Variants in ZSWIM8 observed in about 807,000 individuals in gnomAD.
ZSWIM8 encodes zinc finger SWIM-type containing 8.
ZSWIM8 carries 27 observed loss-of-function variants against 173.7 expected under a neutral mutation model. The observed-to-expected ratio is 0.16, with a 90% confidence interval of 0.11 to 0.21. The LOEUF is 0.21. Ranked by LOEUF, ZSWIM8 falls within the 10% of genes least tolerant of loss-of-function variation. ZSWIM8 has a pLI of 1.00. For synonymous variants in ZSWIM8, 958 were observed against 962.0 expected, an observed-to-expected ratio of 1.00 and a Z score of 0.08; for missense variants, 1,627 against 2,428.8, an observed-to-expected ratio of 0.67 and a Z score of 6.94.
intron 1 of ZSWIM8, 139 bp downstream of exon 1, chr10:73,786,225 C>T (rs1589548503): frequency 3.1e-6 from 3 of 969,588 alleles, no homozygotes; most frequent in South Asian, 3.7e-5. Flanking sequence ...CGGCCGGGAG[C>T]TGTCCCCGAC....
chr10:73,797,724 C>T lies in ZSWIM8; in HGVS notation c.3663-57C>T. 6.3e-7 allele frequency: 1 copy of T among 1,574,956 alleles called. No homozygotes were observed. Among genetic ancestry groups the T allele is most frequent in the Admixed American group, 1.8e-5 (1 of 55,932 alleles). On this transcript the variant is annotated intron_variant, in intron 18 of 25. Coordinates refer to ENST00000604729, the MANE Select transcript of ZSWIM8 (RefSeq NM_001367799.1). The surrounding 1 kb of genome is among the most constrained non-coding windows in gnomAD (Gnocchi z 5.6). The stretch of plus-strand genomic sequence containing the variant: ...CTTTCCCTGGTCCTTCCCAACCTAC[C>T]CGGATGCCCATTTCAAAGAAACCCC...
chr10:73,790,418 C>T, intron 7 of ZSWIM8, 126 bp downstream of exon 7: 1 of 1,375,584 alleles, frequency 7.3e-7, no homozygotes, highest in South Asian at 1.5e-5. Context: ...GGCACAGTGC[C>T]TGGCACACAG....
chr10:73,792,719 A>G lies in ZSWIM8; in HGVS notation c.2180A>G (p.Asp727Gly). The G allele has an allele frequency of 1.2e-6, 2 of 1,613,892 alleles. No homozygotes were observed. Among genetic ancestry groups the G allele is most frequent in the Non-Finnish European group, 1.7e-6 (2 of 1,179,882 alleles). ...GCCCCTGCAGTTGGAGAGGAGGATG[A>G]TGACTACCAGGCGTACTATCTGAAT... Reference protein sequence around the residue: ...EAAPAVGEEDDDYQAYYLNAQ... With the variant: ...EAAPAVGEEDGDYQAYYLNAQ... Residue 727 changes from aspartate to glycine, a missense_variant, in exon 10 of 26, where the codon GAT becomes GGT. Asp to Gly is a moderately conservative substitution (Grantham distance 94, BLOSUM62 -1). Coordinates refer to ENST00000604729, the MANE Select transcript of ZSWIM8 (RefSeq NM_001367799.1). This position sits in a 1 kb window ranked among gnomAD's most constrained non-coding sequence, Gnocchi z 4.3.
At chr10:73,799,549 G>T (rs996792446) in intron 21 of ZSWIM8, 59 bp downstream of exon 21, 1 of 1,561,532 alleles carries the variant, frequency 6.4e-7, no homozygotes, top group South Asian at 1.2e-5. Flanking sequence ...ATTCATAGGG[G>T]GTTGGAGTGG....
In ZSWIM8 at chr10:73,795,786, C is replaced by T. The variant is rs3740290; in HGVS notation, c.3033+123C>T. The T allele has an allele frequency of 2.4e-3, 2,686 of 1,108,914 alleles. 55 individuals carry two copies. In the East Asian group the frequency reaches 0.045, roughly 19 times the overall value. 68.7% of individuals were successfully genotyped at this position (1,108,914 alleles called of 1,614,324 possible). ...AAGCCTGGGCAACATGGCGAAACCC[C>T]GTCTCTACCAAAAAATACAAAAAAT... is the stretch of plus-strand genomic sequence containing the variant. On this transcript the variant is annotated intron_variant, in intron 15 of 25. Coordinates refer to ENST00000604729, the MANE Select transcript of ZSWIM8 (RefSeq NM_001367799.1).
Position 73,801,587 on chromosome 10 carries a change from G to T in ZSWIM8, c.*68G>T, listed in dbSNP as rs748237898. Reference sequence around the variant, plus strand: ...GCTATGGGGGCCCCTCACACAGGGGGAGTGAAACTTGGCTGGACAGATCAT... The same window carrying T: ...GCTATGGGGGCCCCTCACACAGGGGTAGTGAAACTTGGCTGGACAGATCAT... On this transcript the variant is annotated 3_prime_UTR_variant, in exon 26 of 26. Coordinates refer to ENST00000604729, the MANE Select transcript of ZSWIM8 (RefSeq NM_001367799.1). This position sits in a 1 kb window ranked among gnomAD's most constrained non-coding sequence, Gnocchi z 4.9. The T allele has an allele frequency of 2.2e-5, 35 of 1,574,788 alleles. No homozygotes were observed. The highest frequency in any genetic ancestry group is 2.7e-5 in the Non-Finnish European group (32 of 1,163,938).
intron 10 of ZSWIM8, among the ~76,000 whole-genome samples, chr10:73,793,062 C>T (rs757780688): frequency 1.3e-5 from 2 of 152,196 alleles, no homozygotes; most frequent in African/African-American, 2.4e-5. Context: ...CTGCTTAAAA[C>T]CCTTCAATGG....
rs1380826509 is a variant in ZSWIM8 at position 73,801,028 on chromosome 10, G to A, written c.5134G>A (p.Val1712Met). 3 of 1,550,198 alleles carry A rather than the reference G, an allele frequency of 1.9e-6. No individual in the cohort carries two copies. The highest frequency in any genetic ancestry group is 2.6e-6 in the Non-Finnish European group (3 of 1,146,138). ...GLAAKLGVNY[V>M]HQFCVGAAKG... ...CCCCTGCCCCCCAGGAGTGAACTAC[G>A]TGCACCAGTTCTGTGTGGGGGCAGC... The change falls in exon 25 of 26, where the codon GTG (valine) becomes ATG (methionine). Residue 1712 changes from valine to methionine, a missense_variant. Transcript: ENST00000604729. This position sits in a 1 kb window ranked among gnomAD's most constrained non-coding sequence, Gnocchi z 4.9.
In ZSWIM8 at chr10:73,794,581, G is replaced by T; in HGVS notation, c.2850G>T (p.Trp950Cys). ...GTTCCCGGCCCCCAAGTCGCAACTG[G>T]AACAGCGAGACACCTGGGGATGAGG... ...PTGSRPPSRN[W>C]NSETPGDEEL... The change falls in exon 14 of 26, where the codon TGG becomes TGT. Residue 950 changes from tryptophan to cysteine, a missense_variant. Trp to Cys is a radical substitution (Grantham distance 215). Transcript: ENST00000604729. 1 of 1,559,782 alleles carries T rather than the reference G, an allele frequency of 6.4e-7. No individual in the cohort carries two copies. Among genetic ancestry groups the T allele is most frequent in the South Asian group, 1.2e-5 (1 of 84,690 alleles).
Position 73,798,291 on chromosome 10 carries a change from C to T in ZSWIM8, c.4014C>T (p.His1338=). 1.2e-6 allele frequency: 2 copies of T among 1,614,052 alleles called. No individual in the cohort carries two copies. The highest frequency in any genetic ancestry group is 1.7e-6 in the Non-Finnish European group (2 of 1,179,902). Residue 1338 remains histidine, a synonymous_variant, in exon 20 of 26, where the codon CAC becomes CAT. Coordinates refer to ENST00000604729, the MANE Select transcript of ZSWIM8 (RefSeq NM_001367799.1). ...LTILVECWDG[H]LTPPEVASLA... ...TACTGGTAGAATGCTGGGATGGGCACCTGACACCCCCTGAGGTTGCATCCC... is the reference window on the plus strand; with the variant it reads ...TACTGGTAGAATGCTGGGATGGGCATCTGACACCCCCTGAGGTTGCATCCC...
At chr10:73,799,735 A>G in intron 21 of ZSWIM8, 1 of 645,172 alleles carries the variant, frequency 1.5e-6, no homozygotes, top group South Asian at 1.9e-5. Context: ...GTTCGAGACC[A>G]GCCTGGCCAA....
At chr10:73,799,657 A>G (rs2083832687) in intron 21 of ZSWIM8, 167 bp downstream of exon 21, 1 of 940,264 alleles carries the variant, frequency 1.1e-6, no homozygotes, top group African/African-American at 1.6e-5. Flanking sequence ...ACGGCCGGGC[A>G]TGGTGGCTCA....
chr10:73,789,003 T>C lies in ZSWIM8; in HGVS notation c.363-93T>C, dbSNP rs1419401147. On this transcript the variant is annotated intron_variant, in intron 2 of 25. Coordinates refer to ENST00000604729, the MANE Select transcript of ZSWIM8 (RefSeq NM_001367799.1). The surrounding 1 kb of genome is among the most constrained non-coding windows in gnomAD (Gnocchi z 6.8). ...CCCCGCCCTGGGGAAGGAATGAGGC[T>C]AGGGAGAGAGTGCCTAGGGCATTGT... 6.5e-5 allele frequency: 46 copies of C among 707,756 alleles called. No individual in the cohort carries two copies. Among genetic ancestry groups the C allele is most frequent in the Non-Finnish European group, 9.6e-5 (44 of 459,158 alleles). The allele number at this position is 707,756 out of a possible 1,614,324, so 43.8% of individuals were successfully genotyped here. A position where few individuals can be genotyped will look rare whatever the true frequency, so the allele number is the denominator to read the frequency against.
At position 73,799,509 on chromosome 10, in the gene ZSWIM8, T is replaced by G. The variant is rs1565087822; in HGVS notation, c.4665+19T>G. On this transcript the variant is annotated intron_variant, in intron 21 of 25. Coordinates refer to ENST00000604729, the MANE Select transcript of ZSWIM8 (RefSeq NM_001367799.1). ...CCCACAGGTGAGACCAGTGTTCTGCTGGGGGGTAAGGCATGGGAAAATACT... is the reference window on the plus strand; with the variant it reads ...CCCACAGGTGAGACCAGTGTTCTGCGGGGGGGTAAGGCATGGGAAAATACT... 6.3e-7 allele frequency: 1 copy of G among 1,591,268 alleles called. No individual in the cohort carries two copies. The highest frequency in any genetic ancestry group is 1.7e-4 in the Middle Eastern group (1 of 6,038).
In ZSWIM8 at chr10:73,790,980, T is replaced by G; in HGVS notation, c.947T>G (p.Val316Gly). 1 of 1,608,720 alleles carries G rather than the reference T, an allele frequency of 6.2e-7. No homozygotes were observed. Among genetic ancestry groups the G allele is most frequent in the Non-Finnish European group, 8.5e-7 (1 of 1,179,754 alleles). Reference protein sequence around the residue: ...CGPSPVVFSDVNSMYLSSTEP... With the variant: ...CGPSPVVFSDGNSMYLSSTEP... ...CTGTTCCTCTGCTTTTACAGTGATG[T>G]GAACTCCATGTATCTGTCTTCCACG... Residue 316 changes from valine to glycine, a missense_variant, in exon 8 of 26, where the codon GTG (valine) becomes GGG (glycine). Physicochemically the swap from Val to Gly is moderately radical, Grantham distance 109. Transcript: ENST00000604729.
At chr10:73,795,202 G>A (rs2083581335) in intron 14 of ZSWIM8, among the ~76,000 whole-genome samples, 1 of 152,170 alleles carries the variant, frequency 6.6e-6, no homozygotes, top group Non-Finnish European at 1.5e-5. Context: ...GGTAGAATAT[G>A]GAATGTGGGT....
intron 6 of ZSWIM8, 21 bp downstream of exon 6, chr10:73,790,058 T>G: frequency 1.2e-6 from 2 of 1,610,094 alleles, no homozygotes; most frequent in Non-Finnish European, 1.7e-6. Context: ...TGAGAAAGAT[T>G]GGCAGTAGGA....
At position 73,798,558 on chromosome 10, in the gene ZSWIM8, T is replaced by G. The variant is rs2083771840; in HGVS notation, c.4176+105T>G. The G allele has an allele frequency of 7.6e-6, 8 of 1,056,720 alleles. No homozygotes were observed. In the South Asian group the frequency reaches 9.7e-5, roughly 13 times the overall value. The allele number at this position is 1,056,720 out of a possible 1,614,324, so 65.5% of individuals were successfully genotyped here. A position where few individuals can be genotyped will look rare whatever the true frequency, so the allele number is the denominator to read the frequency against. On this transcript the variant is annotated intron_variant, in intron 20 of 25. Coordinates refer to ENST00000604729, the MANE Select transcript of ZSWIM8 (RefSeq NM_001367799.1). ...CTCTTGATTCCCGTATCCTGGAGTT[T>G]ACAGATGATTGTTGGTCCTCTCATG...
At position 73,789,175 on chromosome 10, in the gene ZSWIM8, G is replaced by T; in HGVS notation, c.442G>T (p.Asp148Tyr). 1 of 1,614,008 alleles carries T rather than the reference G, an allele frequency of 6.2e-7. No individual in the cohort carries two copies. The highest frequency in any genetic ancestry group is 8.5e-7 in the Non-Finnish European group (1 of 1,179,876). ...GCTCTTCCGCATGCGGGCTGTGAAG[G>T]ACCCATTGCAGATAGGTGAGTGGGC... is the stretch of plus-strand genomic sequence containing the variant. ...DQLFRMRAVK[D>Y]PLQIGFHLSA... The change falls in exon 3 of 26, where the codon GAC becomes TAC. Residue 148 changes from aspartate (D) to tyrosine (Y), a missense_variant. Asp to Tyr is a radical substitution (Grantham distance 160). This residue lies in a region of ZSWIM8 where 29 missense variants were observed against 108.2 expected (regional missense o/e 0.27). Transcript: ENST00000604729. The surrounding 1 kb of genome is among the most constrained non-coding windows in gnomAD (Gnocchi z 6.8).
Sources: allele counts gnomAD v4.1 joint callset (sites outside exome capture counted in the v4.1 genomes callset), GRCh38; gene constraint gnomAD v4.1.1; regional missense constraint gnomAD v4.1.1; non-coding constraint Gnocchi (gnomAD v3.1); transcripts MANE v1.5; gene names NCBI Gene and HGNC (gene_info 2026-07-23, HGNC 2026-07-21).